Variants in MSRB3 observed in about 807,000 individuals in gnomAD.
The protein encoded by MSRB3 is methionine-R-sulfoxide reductase B3.
In MSRB3, 13 loss-of-function variants were observed where a neutral mutation model predicts 21.0. That is an observed-to-expected ratio of 0.62 (90% confidence interval 0.40 to 0.98). The LOEUF is 0.98. MSRB3 is among the 50% of genes least tolerant of loss of function. The probability of loss-of-function intolerance (pLI) is 0.00; values close to 1 mark genes in which losing one functional copy is unlikely to be tolerated. For synonymous variants in MSRB3, 87 were observed against 88.6 expected, an observed-to-expected ratio of 0.98 and a Z score of 0.10; for missense variants, 199 against 230.3, an observed-to-expected ratio of 0.86 and a Z score of 0.88.
At chr12:65,290,974 A>C (rs1408096897) in intron 1 of MSRB3, among the ~76,000 whole-genome samples, 4 of 152,226 alleles carry the variant, frequency 2.6e-5, no homozygotes, top group Admixed American at 2.6e-4. Flanking sequence ...AAATTACAGA[A>C]GAAACATTGG....
chr12:65,288,340 G>C (rs1872508001), intron 1 of MSRB3, among the ~76,000 whole-genome samples: 1 of 151,746 alleles, frequency 6.6e-6, no homozygotes, highest in African/African-American at 2.4e-5. Flanking sequence ...GTAATTTAAG[G>C]ATTATTTTAA....
chr12:65,419,369 C>T, intron 5 of MSRB3: 1 of 755,390 alleles, frequency 1.3e-6, no homozygotes, highest in South Asian at 1.4e-5. Flanking sequence ...ACTTCCTCTT[C>T]ATGGTTCTTC....
At chr12:65,392,475 G>A (rs1235726779) in intron 5 of MSRB3, among the ~76,000 whole-genome samples, 2 of 152,160 alleles carry the variant, frequency 1.3e-5, no homozygotes, top group African/African-American at 2.4e-5. Flanking sequence ...CAGCATTAGG[G>A]CACAATTTAT....
chr12:65,453,824 A>T lies in MSRB3; in HGVS notation c.389A>T (p.Gln130Leu). ...CACAGGGTGGAAACAAGCTGCTCTCAGGTGAGTTCATCCTTTCTGAAAACC... is the reference window on the plus strand; with the variant it reads ...CACAGGGTGGAAACAAGCTGCTCTCTGGTGAGTTCATCCTTTCTGAAAACC... ...GMHRVETSCSQCGAHLGHIFD... is the reference protein window; with the variant it reads ...GMHRVETSCSLCGAHLGHIFD... The change falls in exon 6 of 7, where the codon CAG becomes CTG. Residue 130 changes from glutamine to leucine, a missense_variant and splice_region_variant. Gln to Leu is a moderately radical substitution (Grantham distance 113). Transcript: ENST00000308259. The T allele has an allele frequency of 6.2e-7, 1 of 1,612,972 alleles. No homozygotes were observed. The highest frequency in any genetic ancestry group is 8.5e-7 in the Non-Finnish European group (1 of 1,179,026).
chr12:65,432,724 G>A (rs912948602), intron 5 of MSRB3, among the ~76,000 whole-genome samples: 1 of 151,902 alleles, frequency 6.6e-6, no homozygotes, highest in African/African-American at 2.4e-5. Flanking sequence ...ATCTGTACCA[G>A]TCAGAGAAGC....
chr12:65,295,027 C>T (rs2136401427), intron 1 of MSRB3, among the ~76,000 whole-genome samples: 1 of 152,244 alleles, frequency 6.6e-6, no homozygotes, highest in Non-Finnish European at 1.5e-5. Context: ...GAAGAGATGG[C>T]ACTATGTTGC....
intron 2 of MSRB3, among the ~76,000 whole-genome samples, chr12:65,312,727 A>C (rs1592513624): frequency 6.6e-6 from 1 of 152,080 alleles, no homozygotes; most frequent in Non-Finnish European, 1.5e-5. Flanking sequence ...AAAGTCATTG[A>C]TTATCATCTG....
intron 5 of MSRB3, among the ~76,000 whole-genome samples, chr12:65,382,250 A>C (rs1490252267): frequency 6.6e-6 from 1 of 152,106 alleles, no homozygotes; most frequent in African/African-American, 2.4e-5. Context: ...AACACAAAAC[A>C]ACAATGTAAA....
intron 5 of MSRB3, among the ~76,000 whole-genome samples, chr12:65,438,139 C>A (rs140212565): frequency 2.0e-5 from 3 of 151,922 alleles, no homozygotes; most frequent in Admixed American, 2.0e-4. Context: ...CTGAAAAATT[C>A]TTTCTGATAC....
chr12:65,311,729 G>A (rs181898743), intron 2 of MSRB3, among the ~76,000 whole-genome samples: 1 of 152,076 alleles, frequency 6.6e-6, no homozygotes, highest in Admixed American at 6.6e-5. Flanking sequence ...TCAAAAAGAT[G>A]TCTGTTCCCT....
chr12:65,460,799 T>C (rs2136716812), intron 6 of MSRB3, among the ~76,000 whole-genome samples: 1 of 151,952 alleles, frequency 6.6e-6, no homozygotes, highest in African/African-American at 2.4e-5. Context: ...TCCTTTCTAT[T>C]TAACCAGAAT....
At chr12:65,330,535 G>A (rs189208688) in intron 4 of MSRB3, among the ~76,000 whole-genome samples, 1 of 152,172 alleles carries the variant, frequency 6.6e-6, no homozygotes, top group East Asian at 1.9e-4. Flanking sequence ...TTCTGTATGT[G>A]TACTTTCCTG....
At chr12:65,313,321 A>G (rs779493938) in intron 2 of MSRB3, among the ~76,000 whole-genome samples, 8 of 152,268 alleles carry the variant, frequency 5.3e-5, no homozygotes, top group South Asian at 2.1e-4. Flanking sequence ...GCAATAGTTC[A>G]TTAATAGAAC....
intron 4 of MSRB3, among the ~76,000 whole-genome samples, chr12:65,336,146 A>C (rs1339832767): frequency 6.6e-6 from 1 of 152,218 alleles, no homozygotes; most frequent in African/African-American, 2.4e-5. Flanking sequence ...CTTCAACTCA[A>C]CTGAAAACTC....
intron 5 of MSRB3, among the ~76,000 whole-genome samples, chr12:65,418,185 G>T (rs1881080992): frequency 6.6e-6 from 1 of 152,100 alleles, no homozygotes; most frequent in Non-Finnish European, 1.5e-5. Context: ...GCTCACTGCA[G>T]CCTCTGCCTC....
intron 4 of MSRB3, among the ~76,000 whole-genome samples, chr12:65,352,916 T>A (rs1201035896): frequency 2.0e-5 from 3 of 151,262 alleles, no homozygotes; most frequent in African/African-American, 7.3e-5. Flanking sequence ...TTCAATGCCA[T>A]CCCCATAAAG....
intron 5 of MSRB3, among the ~76,000 whole-genome samples, chr12:65,439,790 C>T (rs147571373): frequency 2.0e-5 from 3 of 151,212 alleles, no homozygotes; most frequent in African/African-American, 7.3e-5. Context: ...CAGAAAACAT[C>T]AAACGAGTAG....
At chr12:65,390,986 G>A (rs1879453995) in intron 5 of MSRB3, among the ~76,000 whole-genome samples, 1 of 152,174 alleles carries the variant, frequency 6.6e-6, no homozygotes, top group Non-Finnish European at 1.5e-5. Flanking sequence ...TTGTGAAACA[G>A]TGTTTGTATG....
chr12:65,378,220 A>G (rs1878741649), intron 5 of MSRB3, among the ~76,000 whole-genome samples: 1 of 152,224 alleles, frequency 6.6e-6, no homozygotes, highest in Non-Finnish European at 1.5e-5. Flanking sequence ...ATGAGTGGCC[A>G]GGAATTACAT....
Sources: allele counts gnomAD v4.1 joint callset (sites outside exome capture counted in the v4.1 genomes callset), GRCh38; gene constraint gnomAD v4.1.1; transcripts MANE v1.5; gene names NCBI Gene and HGNC (gene_info 2026-07-23, HGNC 2026-07-21).